Variants in PTPRD observed in about 807,000 individuals in gnomAD.
The protein encoded by PTPRD is protein tyrosine phosphatase receptor type D, also known as receptor-type tyrosine-protein phosphatase delta.
PTPRD carries 34 observed loss-of-function variants against 214.5 expected under a neutral mutation model. The observed-to-expected ratio is 0.16, with a 90% CI of 0.12 to 0.21. PTPRD has a LOEUF of 0.21. Ranked by LOEUF, PTPRD falls within the 10% of genes least tolerant of loss-of-function variation. The probability of loss-of-function intolerance (pLI) is 1.00; values close to 1 mark genes in which losing one functional copy is unlikely to be tolerated. For missense variants in PTPRD, 2,545 were observed against 2,398.7 expected (o/e 1.06, Z -1.27); for synonymous variants, 1,128 against 845.7 (o/e 1.33, Z -5.79).
intron 10 of PTPRD, among the ~76,000 whole-genome samples, chr9:9,132,174 A>T (rs1383212476): frequency 3.3e-5 from 5 of 151,972 alleles, no homozygotes; most frequent in African/African-American, 1.2e-4. Context: ...TACCTGGCTA[A>T]TTTTTTGTAT....
At chr9:10,135,755 G>C (rs575615628) in intron 3 of PTPRD, among the ~76,000 whole-genome samples, 32 of 151,880 alleles carry the variant, frequency 2.1e-4, no homozygotes, top group African/African-American at 7.5e-4. Context: ...TGAAAGAACA[G>C]TGCCTGCTAT....
chr9:8,453,807 C>G (rs1368067611), intron 33 of PTPRD, among the ~76,000 whole-genome samples: 1 of 152,178 alleles, frequency 6.6e-6, no homozygotes, highest in Non-Finnish European at 1.5e-5. Flanking sequence ...GTATTTCCGT[C>G]AAGTTCCCTG....
intron 8 of PTPRD, among the ~76,000 whole-genome samples, chr9:9,446,241 T>A (rs1447021329): frequency 6.6e-6 from 1 of 152,170 alleles, no homozygotes; most frequent in Non-Finnish European, 1.5e-5. Context: ...CATATTAAGG[T>A]TAACACAAAT....
chr9:9,387,949 C>T (rs7469900), intron 9 of PTPRD, among the ~76,000 whole-genome samples: 29,139 of 152,140 alleles, frequency 0.19, 2,820 homozygotes, highest in Middle Eastern at 0.32. Flanking sequence ...TATAGGTGGC[C>T]TGTGTTAACC....
At chr9:8,856,235 A>G (rs2097913560) in intron 11 of PTPRD, among the ~76,000 whole-genome samples, 2 of 152,196 alleles carry the variant, frequency 1.3e-5, no homozygotes, top group African/African-American at 4.8e-5. Flanking sequence ...CCTTTACATC[A>G]GAATGTTTCA....
At chr9:8,639,392 C>T (rs973207858) in intron 12 of PTPRD, among the ~76,000 whole-genome samples, 1 of 152,052 alleles carries the variant, frequency 6.6e-6, no homozygotes, top group Non-Finnish European at 1.5e-5. Context: ...TGGTACAATA[C>T]TGTCATTTTT....
intron 4 of PTPRD, among the ~76,000 whole-genome samples, chr9:10,008,954 A>G (rs56194402): frequency 0.025 from 3,740 of 151,822 alleles, 165 homozygotes; most frequent in African/African-American, 0.085. Context: ...TTAATGGAAA[A>G]TAACAAATGA....
chr9:9,014,887 T>C (rs751263068), intron 11 of PTPRD, among the ~76,000 whole-genome samples: 1 of 152,190 alleles, frequency 6.6e-6, no homozygotes, highest in Non-Finnish European at 1.5e-5. Flanking sequence ...TAGAATACAA[T>C]ATTTATTTCA....
intron 2 of PTPRD, among the ~76,000 whole-genome samples, chr9:10,567,302 G>T (rs7854930): frequency 0.029 from 4,409 of 151,946 alleles, 226 homozygotes; most frequent in African/African-American, 0.1. Context: ...TGTGTTTCAA[G>T]GAAAAAATCT....
intron 7 of PTPRD, among the ~76,000 whole-genome samples, chr9:9,605,738 C>T (rs2094111813): frequency 6.6e-6 from 1 of 151,918 alleles, no homozygotes; most frequent in Admixed American, 6.6e-5. Context: ...ATTTGAAACT[C>T]CTTTAAAATT....
At chr9:9,885,416 C>T (rs1402841865) in intron 5 of PTPRD, among the ~76,000 whole-genome samples, 2 of 152,030 alleles carry the variant, frequency 1.3e-5, no homozygotes. Flanking sequence ...GGACTTGCAT[C>T]TCAGATCCCC....
At chr9:9,732,314 C>T (rs796177563) in intron 7 of PTPRD, among the ~76,000 whole-genome samples, 6 of 152,080 alleles carry the variant, frequency 3.9e-5, no homozygotes, top group African/African-American at 1.4e-4. Context: ...AAAAAAAACT[C>T]ATACATTTTC....
chr9:10,152,011 T>C (rs1315470411), intron 3 of PTPRD, among the ~76,000 whole-genome samples: 1 of 152,124 alleles, frequency 6.6e-6, no homozygotes, highest in East Asian at 1.9e-4. Context: ...CACCTACGTA[T>C]AGGTTTTAGG....
chr9:8,378,504 G>C (rs761009835), intron 37 of PTPRD, among the ~76,000 whole-genome samples: 2 of 152,072 alleles, frequency 1.3e-5, no homozygotes. Context: ...TCTCCCAGCA[G>C]AGGACAAGAG....
At chr9:10,059,332 G>A (rs1056984293) in intron 3 of PTPRD, among the ~76,000 whole-genome samples, 4 of 152,066 alleles carry the variant, frequency 2.6e-5, no homozygotes, top group African/African-American at 7.2e-5. Flanking sequence ...TAGCAACCTC[G>A]GGTAAATTTA....
At chr9:10,071,916 A>T (rs1325274982) in intron 3 of PTPRD, among the ~76,000 whole-genome samples, 4 of 151,912 alleles carry the variant, frequency 2.6e-5, no homozygotes, top group South Asian at 2.1e-4. Flanking sequence ...TCGTTTTTTT[A>T]AAATAATTAT....
At chr9:9,019,309 A>AAAGAAAGAAAGAAAGAAAGAAAGAAAGG (rs2099551720) in intron 10 of PTPRD, among the ~76,000 whole-genome samples, 6 of 107,884 alleles carry the variant, frequency 5.6e-5, no homozygotes, top group Non-Finnish European at 9.5e-5. Context: ...AGAAAGAAAG[A>AAAGAAAGAAAGAAAGAAAGAAAGAAAGG]AAGAAAGAAA....
At chr9:9,476,123 G>A (rs777216567) in intron 8 of PTPRD, among the ~76,000 whole-genome samples, 57 of 152,260 alleles carry the variant, frequency 3.7e-4, no homozygotes, top group Admixed American at 1.1e-3. Context: ...GAAAACAGGC[G>A]TAGTGATATG....
rs531077474 is a variant in PTPRD, at chr9:9,611,899, A to G, written c.-286-37118T>C. Among the ~76,000 whole-genome samples, 35 of 152,248 alleles carry G rather than the reference A, an allele frequency of 2.3e-4. 2 individuals carry two copies. In the South Asian group the frequency reaches 7.2e-3, roughly 32 times the overall value. ...TACGCACTTTGAACTGGCATGAACA[A>G]AATCTCCTGTAGTAATTTCATATAC... is the stretch of plus-strand genomic sequence containing the variant. On this transcript the variant is annotated intron_variant, in intron 7 of 45. Transcript: ENST00000381196.
Sources: gnomAD v4.1 joint callset for allele counts (sites outside exome capture counted in the v4.1 genomes callset) on GRCh38, gnomAD v4.1.1 for gene constraint, MANE v1.5 for transcripts, NCBI Gene and HGNC (gene_info 2026-07-23, HGNC 2026-07-21) for gene names.